The following ANKRD17 variants were observed in gnomAD, a reference collection of about 807,000 sequenced individuals.
ANKRD17 encodes the protein ankyrin repeat domain-containing protein 17.
Under a neutral mutation model 229.7 loss-of-function variants are expected in ANKRD17, and 19 were observed. The ratio of observed to expected loss-of-function variants is 0.08; its 90% CI spans 0.06 to 0.12. The LOEUF is 0.12. Ranked by LOEUF, ANKRD17 falls within the 10% of genes least tolerant of loss-of-function variation. The pLI, the probability that ANKRD17 is intolerant of heterozygous loss-of-function variation, is 1.00. For missense variants in ANKRD17, 2,176 were observed against 3,176.8 expected (o/e 0.68, Z 7.57); for synonymous variants, 1,112 against 1,146.1 (o/e 0.97, Z 0.60).
At chr4:73,211,670 A>T (rs1197516550) in intron 1 of ANKRD17, among the ~76,000 whole-genome samples, 1 of 151,966 alleles carries the variant, frequency 6.6e-6, no homozygotes, top group Non-Finnish European at 1.5e-5. Context: ...AACATGGTGA[A>T]ACCCCATCTC....
intron 1 of ANKRD17, among the ~76,000 whole-genome samples, chr4:73,223,578 A>G (rs2149216774): frequency 6.6e-6 from 1 of 152,360 alleles, no homozygotes; most frequent in East Asian, 1.9e-4. Flanking sequence ...AGATTTTTTA[A>G]TAGTAAATTG....
intron 1 of ANKRD17, among the ~76,000 whole-genome samples, chr4:73,255,728 CT>C (rs953280333): frequency 5.8e-4 from 85 of 146,284 alleles, no homozygotes; most frequent in Non-Finnish European, 5.9e-4. Context: ...AATGGGTACA[CT>C]TTTTTTTTTT....
At chr4:73,162,993 C>T (rs901008737) in intron 2 of ANKRD17, among the ~76,000 whole-genome samples, 14 of 151,490 alleles carry the variant, frequency 9.2e-5, no homozygotes, top group African/African-American at 1.5e-4. Flanking sequence ...TAAGCACCTG[C>T]GACCACAGGC....
rs62311896 is a variant in ANKRD17, at chr4:73,241,516, G to C, written c.393+16760C>G. Among the ~76,000 whole-genome samples the C allele has an allele frequency of 2.5e-3, 388 of 152,250 alleles. 2 individuals carry two copies. Among genetic ancestry groups the C allele is most frequent in the Non-Finnish European group, 4.3e-3 (291 of 68,002 alleles). On this transcript the variant is annotated intron_variant, in intron 1 of 33. Coordinates refer to ENST00000358602, the MANE Select transcript of ANKRD17 (RefSeq NM_032217.5). ...AGTTATTATTTTTAAAAAGAGGTATGTACTAAATTACTTAAAGCCACTTTT... is the reference window on the plus strand; with the variant it reads ...AGTTATTATTTTTAAAAAGAGGTATCTACTAAATTACTTAAAGCCACTTTT...
chr4:73,101,268 C>A lies in ANKRD17; in HGVS notation c.4573+1108G>T. The A allele has an allele frequency of 4.2e-6, 4 of 946,416 alleles. No homozygotes were observed. In the South Asian group the frequency reaches 2.0e-4, roughly 46 times the overall value. The allele number at this position is 946,416 out of a possible 1,614,324, so 58.6% of individuals were successfully genotyped here. On this transcript the variant is annotated intron_variant, in intron 25 of 33. Transcript: ENST00000358602. The stretch of plus-strand genomic sequence containing the variant: ...AAATGATTCCTTCATTTGAAGAAAT[C>A]GATGATCTGGATTGTAGATGATATT...
chr4:73,137,779 G>C (rs1436092394), intron 15 of ANKRD17, among the ~76,000 whole-genome samples: 1 of 152,080 alleles, frequency 6.6e-6, no homozygotes, highest in Non-Finnish European at 1.5e-5. Context: ...TTCCTAAAAA[G>C]TTATATGCAC....
chr4:73,130,126 CT>C (rs1325600496), intron 16 of ANKRD17, among the ~76,000 whole-genome samples: 1 of 152,094 alleles, frequency 6.6e-6, no homozygotes, highest in Non-Finnish European at 1.5e-5. Flanking sequence ...AAGAGCTGAA[CT>C]TTTTTTACAC....
At chr4:73,142,911 A>G in intron 11 of ANKRD17, 144 bp from the exon 12 acceptor site, 1 of 843,528 alleles carries the variant, frequency 1.2e-6, no homozygotes, top group Non-Finnish European at 1.7e-6. Context: ...TTATAAACAC[A>G]AGGCCAATCT....
chr4:73,201,410 A>G (rs781540958), intron 1 of ANKRD17, among the ~76,000 whole-genome samples: 3 of 152,128 alleles, frequency 2.0e-5, no homozygotes, highest in Non-Finnish European at 4.4e-5. Flanking sequence ...ATATTATACA[A>G]TCACCAAAAT....
rs1188914921 is a variant in ANKRD17, at chr4:73,139,856, C to T, written c.2760G>A (p.Gln920=). Residue 920 remains glutamine, a synonymous_variant, in exon 15 of 34, where the codon CAG becomes CAA. Transcript: ENST00000358602. ...ACCGTGCATAGTCTCCCTCAGAAAG[C>T]TGCTCTCCAACTCCAACAGGAGTTA... ...GLLTPVGVGE[Q]LSEGDYARLQ... is the part of the protein sequence containing the mutation. 5 of 1,614,100 alleles carry T rather than the reference C, an allele frequency of 3.1e-6. No homozygotes were observed. The highest frequency in any genetic ancestry group is 4.2e-6 in the Non-Finnish European group (5 of 1,180,042).
chr4:73,082,988 G>T (rs1721729882), intron 30 of ANKRD17, among the ~76,000 whole-genome samples: 1 of 152,016 alleles, frequency 6.6e-6, no homozygotes, highest in Non-Finnish European at 1.5e-5. Flanking sequence ...AGTTATTTAG[G>T]GGCAAAAGGG....
chr4:73,193,169 A>C (rs1737361372), intron 1 of ANKRD17, among the ~76,000 whole-genome samples: 1 of 152,200 alleles, frequency 6.6e-6, no homozygotes, highest in South Asian at 2.1e-4. Flanking sequence ...ATGGAATCAC[A>C]GGTTTCTGAA....
intron 1 of ANKRD17, among the ~76,000 whole-genome samples, chr4:73,229,648 T>C (rs1389055504): frequency 6.6e-6 from 1 of 151,156 alleles, no homozygotes; most frequent in East Asian, 1.9e-4. Context: ...TCTATATATA[T>C]ATATACAGCT....
intron 22 of ANKRD17, 54 bp downstream of exon 22, chr4:73,118,634 C>A: frequency 6.3e-7 from 1 of 1,594,730 alleles, no homozygotes; most frequent in Non-Finnish European, 8.6e-7. Context: ...AAGCCATGTA[C>A]TTCCTAGTGT....
intron 2 of ANKRD17, among the ~76,000 whole-genome samples, chr4:73,162,238 C>A (rs1364398926): frequency 6.6e-6 from 1 of 151,984 alleles, no homozygotes; most frequent in Non-Finnish European, 1.5e-5. Context: ...TTGGAGGAAT[C>A]AGGGTCCCAC....
intron 22 of ANKRD17, among the ~76,000 whole-genome samples, chr4:73,117,986 T>G (rs1171887501): frequency 1.3e-5 from 2 of 152,146 alleles, no homozygotes; most frequent in Non-Finnish European, 2.9e-5. Flanking sequence ...TTTAATTCAT[T>G]TTTTTTCCTA....
chr4:73,099,788 G>T (rs571458901), intron 25 of ANKRD17, among the ~76,000 whole-genome samples: 1 of 152,284 alleles, frequency 6.6e-6, no homozygotes, highest in African/African-American at 2.4e-5. Flanking sequence ...AAGGCAGGAG[G>T]GGTGTGAGCC....
At chr4:73,131,825 A>G (rs1219968645) in intron 16 of ANKRD17, among the ~76,000 whole-genome samples, 1 of 152,216 alleles carries the variant, frequency 6.6e-6, no homozygotes, top group African/African-American at 2.4e-5. Context: ...AATATCTGCA[A>G]GGCATTAAGC....
chr4:73,171,349 A>T (rs544509873), intron 2 of ANKRD17, among the ~76,000 whole-genome samples: 4 of 152,208 alleles, frequency 2.6e-5, no homozygotes, highest in Non-Finnish European at 5.9e-5. Flanking sequence ...AAAAAATCAT[A>T]GCGATACTGG....
Sources: gnomAD v4.1 joint callset for allele counts (sites outside exome capture counted in the v4.1 genomes callset) on GRCh38, gnomAD v4.1.1 for gene constraint, MANE v1.5 for transcripts, NCBI Gene and HGNC (gene_info 2026-07-23, HGNC 2026-07-21) for gene names.